Variants in TPP2 observed in about 807,000 individuals in gnomAD.
TPP2 encodes the protein tripeptidyl peptidase 2.
TPP2 carries 34 observed loss-of-function variants against 155.9 expected under a neutral mutation model. The observed-to-expected ratio is 0.22, with a 90% CI of 0.17 to 0.29. The LOEUF is 0.29. Among genes scored for constraint, TPP2 ranks in the 10% least tolerant of loss-of-function variants. The pLI, the probability that TPP2 is intolerant of heterozygous loss-of-function variation, is 1.00. For synonymous variants in TPP2, 510 were observed against 529.4 expected, an observed-to-expected ratio of 0.96 and a Z score of 0.50; for missense variants, 1,028 against 1,522.3, an observed-to-expected ratio of 0.68 and a Z score of 5.40.
At chr13:102,629,199 C>G (rs1566338178) in intron 8 of TPP2, among the ~76,000 whole-genome samples, 2 of 152,162 alleles carry the variant, frequency 1.3e-5, no homozygotes, top group African/African-American at 4.8e-5. Flanking sequence ...AATAGAACCA[C>G]CTATTGCCCG....
chr13:102,600,813 C>T (rs929494151), intron 1 of TPP2, among the ~76,000 whole-genome samples: 3 of 152,088 alleles, frequency 2.0e-5, no homozygotes, highest in Non-Finnish European at 4.4e-5. Context: ...AGCTTTCCCT[C>T]ATTCCCCCCA....
intron 23 of TPP2, among the ~76,000 whole-genome samples, chr13:102,649,964 C>G (rs1192615135): frequency 6.6e-6 from 1 of 152,086 alleles, no homozygotes; most frequent in Non-Finnish European, 1.5e-5. Context: ...CTTCACACTT[C>G]TACAGACCTA....
Position 102,664,899 on chromosome 13 carries a change from C to T in TPP2, c.3345C>T (p.Pro1115=). The change falls in exon 27 of 30, where the codon CCC becomes CCT. Residue 1115 remains proline, a synonymous_variant. Coordinates refer to ENST00000376052, the MANE Select transcript of TPP2 (RefSeq NM_001330588.2). ...LAVYIAMKTD[P]RPDAATIKND... Reference sequence around the variant, plus strand: ...TTTATATTGCAATGAAGACTGATCCCAGGCCTGATGCAGCTACTATAAAAA... The same window carrying T: ...TTTATATTGCAATGAAGACTGATCCTAGGCCTGATGCAGCTACTATAAAAA... 2 of 1,613,308 alleles carry T rather than the reference C, an allele frequency of 1.2e-6. No homozygotes were observed. The highest frequency in any genetic ancestry group is 1.7e-6 in the Non-Finnish European group (2 of 1,179,720).
rs148579725 is a variant in TPP2, at chr13:102,607,146, C to T, written c.294+2225C>T. On this transcript the variant is annotated intron_variant, in intron 2 of 29. Transcript: ENST00000376052. ...TGCTGGCACCCTGATGCTGAGCTTCCAGCCCCTAGAACTATGAAAAAATAA... is the reference window on the plus strand; with the variant it reads ...TGCTGGCACCCTGATGCTGAGCTTCTAGCCCCTAGAACTATGAAAAAATAA... Among the ~76,000 whole-genome samples, 503 of 152,300 alleles carry T rather than the reference C, an allele frequency of 3.3e-3. 2 individuals are homozygous for T. Among genetic ancestry groups the T allele is most frequent in the African/African-American group, 0.012 (491 of 41,558 alleles).
At chr13:102,660,983 A>G (rs1884172408) in intron 25 of TPP2, among the ~76,000 whole-genome samples, 3 of 152,304 alleles carry the variant, frequency 2.0e-5, no homozygotes, top group Admixed American at 2.0e-4. Context: ...CATATATACA[A>G]GTTAACTCAA....
At chr13:102,652,446 AT>A (rs1883578281) in intron 24 of TPP2, among the ~76,000 whole-genome samples, 24 of 51,438 alleles carry the variant, frequency 4.7e-4, no homozygotes, top group Admixed American at 7.2e-4. Flanking sequence ...ATATATATAT[AT>A]ATATATAAAA....
intron 27 of TPP2, among the ~76,000 whole-genome samples, chr13:102,670,187 T>C (rs1595220954): frequency 1.3e-5 from 2 of 151,758 alleles, no homozygotes; most frequent in Non-Finnish European, 2.9e-5. Context: ...GGTGTGGCGG[T>C]GAACCACTTT....
At chr13:102,649,212 C>A in intron 22 of TPP2, 61 bp downstream of exon 22, 1 of 1,523,008 alleles carries the variant, frequency 6.6e-7, no homozygotes, top group South Asian at 1.3e-5. Context: ...CTTTTAATGT[C>A]AGTTTATGAC....
chr13:102,620,778 A>G (rs1881098795), intron 5 of TPP2, among the ~76,000 whole-genome samples: 1 of 152,238 alleles, frequency 6.6e-6, no homozygotes, highest in Non-Finnish European at 1.5e-5. Flanking sequence ...AAATGGAACA[A>G]AAACTGGTTG....
intron 29 of TPP2, among the ~76,000 whole-genome samples, chr13:102,677,377 C>G (rs966895166): frequency 6.6e-5 from 10 of 152,162 alleles, no homozygotes; most frequent in African/African-American, 1.7e-4. Context: ...CTCTGCCCCC[C>G]CCGCTGCCTG....
At chr13:102,652,744 G>A (rs74112142) in intron 24 of TPP2, among the ~76,000 whole-genome samples, 1 of 152,208 alleles carries the variant, frequency 6.6e-6, no homozygotes, top group African/African-American at 2.4e-5. Context: ...CTAAAGATCA[G>A]TATTTCTCAA....
chr13:102,665,043 G>A (rs1271964848), intron 27 of TPP2, 118 bp downstream of exon 27: 5 of 1,265,876 alleles, frequency 3.9e-6, no homozygotes, highest in Non-Finnish European at 5.4e-6. Context: ...TCCTTATAAT[G>A]GGAATTATCA....
Position 102,597,087 on chromosome 13 carries a change from C to T in TPP2, c.49C>T (p.Pro17Ser). 1 of 1,611,816 alleles carries T rather than the reference C, an allele frequency of 6.2e-7. No individual in the cohort carries two copies. The change falls in exon 1 of 30, where the codon CCG becomes TCG. Residue 17 changes from proline (P) to serine (S), a missense_variant. Pro to Ser is a moderately conservative substitution (Grantham distance 74). Coordinates refer to ENST00000376052, the MANE Select transcript of TPP2 (RefSeq NM_001330588.2). The stretch of plus-strand genomic sequence containing the variant: ...GCCCTTCCCTTTTCACGGTCTCCTG[C>T]CGAAGAAGGAGACCGGAGCCGCCTC... ...EEPFPFHGLL[P>S]KKETGAASFL...
intron 26 of TPP2, among the ~76,000 whole-genome samples, chr13:102,664,456 T>C (rs1884456346): frequency 6.6e-6 from 1 of 152,174 alleles, no homozygotes; most frequent in Non-Finnish European, 1.5e-5. Flanking sequence ...GCCAATCACA[T>C]TTCTAGAATC....
At chr13:102,623,091 G>T in intron 6 of TPP2, 51 bp downstream of exon 6, 1 of 1,551,068 alleles carries the variant, frequency 6.4e-7, no homozygotes, top group Non-Finnish European at 8.7e-7. Context: ...AGGTGATAAA[G>T]TGGTACGTTG....
chr13:102,626,534 C>T (rs1881638145), intron 6 of TPP2, among the ~76,000 whole-genome samples: 1 of 152,184 alleles, frequency 6.6e-6, no homozygotes, highest in African/African-American at 2.4e-5. Context: ...ATGGCTGGCT[C>T]ATAGGCTGTG....
At chr13:102,649,745 C>G (rs1471327932) in intron 23 of TPP2, among the ~76,000 whole-genome samples, 3 of 152,120 alleles carry the variant, frequency 2.0e-5, no homozygotes, top group African/African-American at 7.2e-5. Flanking sequence ...GTCTTACCTC[C>G]TACGGCTAAT....
chr13:102,633,917 A>G, intron 10 of TPP2, 33 bp from the exon 11 acceptor site: 1 of 1,613,104 alleles, frequency 6.2e-7, no homozygotes, highest in Non-Finnish European at 8.5e-7. Context: ...AGCTTTCACC[A>G]TCCTAAGCAA....
chr13:102,645,447 AC>A (rs1168896225), intron 19 of TPP2, among the ~76,000 whole-genome samples: 1 of 152,178 alleles, frequency 6.6e-6, no homozygotes, highest in Non-Finnish European at 1.5e-5. Flanking sequence ...GGGCACCTTG[AC>A]CTGTGTTCAC....
Sources: allele counts gnomAD v4.1 joint callset (sites outside exome capture counted in the v4.1 genomes callset), GRCh38; gene constraint gnomAD v4.1.1; transcripts MANE v1.5; gene names NCBI Gene and HGNC (gene_info 2026-07-23, HGNC 2026-07-21).